PIAS2: variants seen among roughly 807,000 people sequenced by gnomAD.
PIAS2 encodes the protein protein inhibitor of activated STAT 2.
In PIAS2, 19 loss-of-function variants were observed where a neutral mutation model predicts 69.7. That is an observed-to-expected ratio of 0.27 (90% confidence interval 0.19 to 0.40). PIAS2 has a LOEUF of 0.40. Among genes scored for constraint, PIAS2 ranks in the 10% least tolerant of loss-of-function variants. PIAS2 has a pLI of 1.00. For missense variants in PIAS2, 624 were observed against 757.0 expected, an observed-to-expected ratio of 0.82 and a Z score of 2.06; for synonymous variants, 261 against 263.2, an observed-to-expected ratio of 0.99 and a Z score of 0.08.
chr18:46,852,424 TCTC>T (rs781297808), intron 5 of PIAS2, among the ~76,000 whole-genome samples: 3 of 152,174 alleles, frequency 2.0e-5, no homozygotes, highest in Non-Finnish European at 1.5e-5. Flanking sequence ...CTCTATTTCT[TCTC>T]CTCCTTCACA....
intron 1 of PIAS2, among the ~76,000 whole-genome samples, chr18:46,899,156 T>C (rs951008197): frequency 5.9e-5 from 9 of 151,922 alleles, no homozygotes; most frequent in African/African-American, 2.2e-4. Context: ...GACCAAAACC[T>C]TAATAAAGAA....
intron 1 of PIAS2, among the ~76,000 whole-genome samples, chr18:46,894,998 G>T (rs1054159742): frequency 1.3e-5 from 2 of 151,662 alleles, no homozygotes; most frequent in Non-Finnish European, 2.9e-5. Context: ...GCTTGAAACC[G>T]GGAGGCGGAG....
Position 46,917,451 on chromosome 18 carries a change from C to A in PIAS2, c.-106G>T. ...CGCCGCCGCCTCCAGCACCATCCTG[C>A]ACTGGGCGCCGCTTAAGACGCCGCG... On this transcript the variant is annotated 5_prime_UTR_variant, in exon 1 of 14. Transcript: ENST00000585916. 1 of 1,244,884 alleles carries A rather than the reference C, an allele frequency of 8.0e-7. No homozygotes were observed. Among genetic ancestry groups the A allele is most frequent in the South Asian group, 3.4e-5 (1 of 29,064 alleles). 77.1% of individuals were successfully genotyped at this position (1,244,884 alleles called of 1,614,324 possible).
intron 2 of PIAS2, among the ~76,000 whole-genome samples, chr18:46,874,787 CA>C (rs2050903007): frequency 6.6e-6 from 1 of 152,170 alleles, no homozygotes; most frequent in Non-Finnish European, 1.5e-5. Context: ...GGCCTTTTAG[CA>C]GAGACACCAC....
intron 12 of PIAS2, among the ~76,000 whole-genome samples, chr18:46,818,924 T>C (rs939096611): frequency 6.6e-6 from 1 of 152,126 alleles, no homozygotes; most frequent in African/African-American, 2.4e-5. Flanking sequence ...AGACATATTT[T>C]ACTGCATTTT....
At chr18:46,822,642 A>C (rs1221124071) in intron 11 of PIAS2, among the ~76,000 whole-genome samples, 1 of 152,154 alleles carries the variant, frequency 6.6e-6, no homozygotes, top group African/African-American at 2.4e-5. Context: ...GGAGGTTTGA[A>C]AACAGTGGTC....
chr18:46,875,432 A>G (rs1051318082), intron 2 of PIAS2, among the ~76,000 whole-genome samples: 6 of 152,210 alleles, frequency 3.9e-5, no homozygotes, highest in African/African-American at 1.2e-4. Context: ...TGCTAATTAT[A>G]GATAATCCCC....
chr18:46,868,777 T>C (rs553868491), intron 2 of PIAS2, among the ~76,000 whole-genome samples: 1 of 152,316 alleles, frequency 6.6e-6, no homozygotes, highest in African/African-American at 2.4e-5. Context: ...TTCTAACAAC[T>C]TGGGGGCTCA....
At chr18:46,818,349 A>C in intron 12 of PIAS2, 1 of 1,515,666 alleles carries the variant, frequency 6.6e-7, no homozygotes, top group Non-Finnish European at 8.8e-7. Context: ...CCACTCCATA[A>C]ATACAAATTA....
chr18:46,883,675 CA>C (rs1040251471), intron 2 of PIAS2, among the ~76,000 whole-genome samples: 1 of 151,872 alleles, frequency 6.6e-6, no homozygotes, highest in African/African-American at 2.4e-5. Flanking sequence ...CTCATATCTA[CA>C]AAAAAATACA....
At chr18:46,814,268 C>T (rs1442518624) in intron 13 of PIAS2, among the ~76,000 whole-genome samples, 1 of 152,156 alleles carries the variant, frequency 6.6e-6, no homozygotes, top group Non-Finnish European at 1.5e-5. Flanking sequence ...CACCCTTCTA[C>T]TACTGACTCA....
intron 2 of PIAS2, among the ~76,000 whole-genome samples, chr18:46,874,803 G>A (rs2145769396): frequency 6.6e-6 from 1 of 152,228 alleles, no homozygotes; most frequent in Middle Eastern, 3.4e-3. Context: ...CACCACCCTT[G>A]GAGTTCCCAG....
At chr18:46,816,986 C>G in intron 12 of PIAS2, 1 of 922,274 alleles carries the variant, frequency 1.1e-6, no homozygotes, top group South Asian at 5.0e-5. Flanking sequence ...TTTGTCTAGC[C>G]CTTGTAATAC....
chr18:46,864,496 T>G (rs563290315), intron 2 of PIAS2, among the ~76,000 whole-genome samples: 1 of 152,218 alleles, frequency 6.6e-6, no homozygotes, highest in Non-Finnish European at 1.5e-5. Context: ...GCAGGCTGGG[T>G]GCAGTGGCTC....
chr18:46,903,715 T>G (rs1421934449), intron 1 of PIAS2: 1 of 152,200 alleles, frequency 6.6e-6, no homozygotes, highest in African/African-American at 2.4e-5. Flanking sequence ...CCTGGGCATT[T>G]ATCTCCGAGA....
intron 1 of PIAS2, among the ~76,000 whole-genome samples, chr18:46,904,683 G>A (rs960413985): frequency 1.1e-4 from 16 of 151,690 alleles, no homozygotes; most frequent in Non-Finnish European, 2.2e-4. Flanking sequence ...CCCACGAGGT[G>A]GAGGTTGCAG....
chr18:46,819,040 C>T (rs2041882511), intron 12 of PIAS2, among the ~76,000 whole-genome samples: 1 of 152,124 alleles, frequency 6.6e-6, no homozygotes, highest in Admixed American at 6.6e-5. Flanking sequence ...GTTCAGAGAA[C>T]TGAAAAACTA....
intron 5 of PIAS2, among the ~76,000 whole-genome samples, chr18:46,852,348 A>C (rs896505602): frequency 1.3e-5 from 2 of 152,172 alleles, no homozygotes; most frequent in Non-Finnish European, 2.9e-5. Context: ...TGGCCCTATA[A>C]GGGTCAGGCA....
chr18:46,827,820 G>A lies in PIAS2; in HGVS notation c.1508+139C>T, dbSNP rs369965972. The A allele has an allele frequency of 5.6e-5, 39 of 692,704 alleles. 1 individual carries two copies. Among genetic ancestry groups the A allele is most frequent in the Middle Eastern group, 4.3e-4 (1 of 2,340 alleles). 42.9% of individuals were successfully genotyped at this position (692,704 alleles called of 1,614,324 possible). A position where few individuals can be genotyped will look rare whatever the true frequency, so the allele number is the denominator to read the frequency against. On this transcript the variant is annotated intron_variant, in intron 11 of 13. Transcript: ENST00000585916. ...CTTCCTATAAACAATGTGCTTACTC[G>A]AAAATATTTCAACTCAACAAAGGCA...
Sources: allele counts gnomAD v4.1 joint callset (sites outside exome capture counted in the v4.1 genomes callset), GRCh38; gene constraint gnomAD v4.1.1; transcripts MANE v1.5; gene names NCBI Gene and HGNC (gene_info 2026-07-23, HGNC 2026-07-21).